The following PTK2 variants were observed in gnomAD, a reference collection of about 807,000 sequenced individuals.
PTK2 encodes focal adhesion kinase 1.
In PTK2, 45 loss-of-function variants were observed where a neutral mutation model predicts 150.1. The observed-to-expected ratio is 0.30, with a 90% CI of 0.24 to 0.38. The LOEUF is 0.38. PTK2 is among the 10% of genes least tolerant of loss of function. The probability of loss-of-function intolerance (pLI) is 1.00; values close to 1 mark genes in which losing one functional copy is unlikely to be tolerated. For synonymous variants in PTK2, 432 were observed against 449.2 expected, an observed-to-expected ratio of 0.96 and a Z score of 0.48; for missense variants, 919 against 1,307.3, an observed-to-expected ratio of 0.70 and a Z score of 4.58.
intron 10 of PTK2, among the ~76,000 whole-genome samples, chr8:140,814,927 A>C (rs888589733): frequency 1.3e-5 from 2 of 152,066 alleles, no homozygotes; most frequent in African/African-American, 4.8e-5. Context: ...GGCGCATGCC[A>C]CCACGCCCAG....
chr8:140,821,792 G>A (rs567601385), intron 8 of PTK2: 1 of 152,234 alleles, frequency 6.6e-6, no homozygotes, highest in Non-Finnish European at 1.5e-5. Flanking sequence ...GAGAATTATA[G>A]CTGTTTTGAA....
chr8:140,787,285 C>G (rs896985010), intron 14 of PTK2, among the ~76,000 whole-genome samples: 2 of 152,218 alleles, frequency 1.3e-5, no homozygotes, highest in South Asian at 2.1e-4. Flanking sequence ...GCTATGTAAC[C>G]TTGGACAAAT....
intron 1 of PTK2, among the ~76,000 whole-genome samples, chr8:140,971,064 G>C (rs931897000): frequency 6.6e-6 from 1 of 152,162 alleles, no homozygotes; most frequent in African/African-American, 2.4e-5. Context: ...TATTCAAGGA[G>C]TCAATGCCAA....
intron 16 of PTK2, among the ~76,000 whole-genome samples, chr8:140,754,865 AAAGT>A (rs1374216277): frequency 2.6e-4 from 40 of 152,348 alleles, no homozygotes; most frequent in African/African-American, 9.1e-4. Context: ...GGGTCAGTTC[AAAGT>A]AAGTAAGACC....
At chr8:140,701,413 C>T (rs192356204) in intron 25 of PTK2, among the ~76,000 whole-genome samples, 1 of 151,766 alleles carries the variant, frequency 6.6e-6, no homozygotes, top group Non-Finnish European at 1.5e-5. Flanking sequence ...ACTATAGATG[C>T]TCTTTCATTC....
At chr8:140,922,849 C>T (rs2100168052) in intron 2 of PTK2, among the ~76,000 whole-genome samples, 1 of 152,168 alleles carries the variant, frequency 6.6e-6, no homozygotes, top group South Asian at 2.1e-4. Flanking sequence ...CTTCACACCA[C>T]AGCACACCAC....
chr8:140,897,122 T>C (rs1019166193), intron 2 of PTK2, among the ~76,000 whole-genome samples: 8 of 152,120 alleles, frequency 5.3e-5, no homozygotes, highest in Non-Finnish European at 4.4e-5. Flanking sequence ...GAAAAAACAC[T>C]ACTTGGAATA....
chr8:140,718,779 A>G (rs1406807796), intron 22 of PTK2: 7 of 152,230 alleles, frequency 4.6e-5, no homozygotes, highest in African/African-American at 7.2e-5. Context: ...AGTCAGGAAA[A>G]GAGACAAAAT....
chr8:140,685,540 CA>C (rs546116623), intron 27 of PTK2, among the ~76,000 whole-genome samples: 95 of 152,176 alleles, frequency 6.2e-4, no homozygotes, highest in African/African-American at 2.2e-3. Flanking sequence ...AGCAAATGAA[CA>C]AGTAAAACCA....
At chr8:140,736,337 T>G (rs554355245) in intron 21 of PTK2, among the ~76,000 whole-genome samples, 27 of 152,128 alleles carry the variant, frequency 1.8e-4, no homozygotes, top group Non-Finnish European at 3.4e-4. Flanking sequence ...CATATGGACA[T>G]GAAGATGGGA....
intron 1 of PTK2, among the ~76,000 whole-genome samples, chr8:140,967,199 A>C (rs1178245439): frequency 6.6e-6 from 1 of 152,216 alleles, no homozygotes; most frequent in South Asian, 2.1e-4. Flanking sequence ...GTTTATCAGC[A>C]CTCAAAATCA....
At chr8:140,764,453 G>T in intron 14 of PTK2, 163 bp from the exon 17 acceptor site, 1 of 601,476 alleles carries the variant, frequency 1.7e-6, no homozygotes, top group South Asian at 2.1e-5. Flanking sequence ...GTCATTTATG[G>T]AAATAAAAGT....
intron 2 of PTK2, among the ~76,000 whole-genome samples, chr8:140,904,169 C>T (rs1005005761): frequency 5.3e-5 from 8 of 152,090 alleles, no homozygotes; most frequent in Admixed American, 1.3e-4. Context: ...TTTTGAGATA[C>T]GTTCCATCAA....
chr8:140,723,794 T>C lies in PTK2; in HGVS notation c.2031-6085A>G, dbSNP rs142260243. On this transcript the variant is annotated intron_variant, in intron 22 of 31. Coordinates refer to ENST00000522684, the Ensembl canonical transcript of PTK2. ...TTAGCACAATGATAATTACACTTTA[T>C]TGATCCACGTGCACCACTGAGGAAC... 8.3e-4 allele frequency among the ~76,000 whole-genome samples: 126 copies of C among 152,356 alleles called. 1 individual carries two copies. The Middle Eastern group carries it at 0.02, about 25-fold the overall frequency.
chr8:140,660,707 C>G (rs1051656278), intron 31 of PTK2: 4 of 439,386 alleles, frequency 9.1e-6, no homozygotes, highest in African/African-American at 8.0e-5. Context: ...GCCTGGGTGA[C>G]AGAGCCAGAC....
At chr8:140,796,293 A>G (rs1344278198) in intron 12 of PTK2, among the ~76,000 whole-genome samples, 1 of 152,172 alleles carries the variant, frequency 6.6e-6, no homozygotes, top group Non-Finnish European at 1.5e-5. Context: ...GCAAGCCATC[A>G]CTTGTTGACA....
At chr8:140,878,833 T>C (rs781387799) in intron 4 of PTK2, among the ~76,000 whole-genome samples, 6 of 145,198 alleles carry the variant, frequency 4.1e-5, no homozygotes, top group Non-Finnish European at 9.0e-5. Context: ...ACATCTTGAG[T>C]TGCTTAGTAG....
chr8:140,965,202 C>G (rs1011167953), intron 1 of PTK2, among the ~76,000 whole-genome samples: 1 of 152,214 alleles, frequency 6.6e-6, no homozygotes, highest in Non-Finnish European at 1.5e-5. Context: ...AGTCTCTCAG[C>G]ACTGTCTCTT....
intron 1 of PTK2, among the ~76,000 whole-genome samples, chr8:140,952,360 G>A (rs2100179808): frequency 6.6e-6 from 1 of 152,148 alleles, no homozygotes; most frequent in Non-Finnish European, 1.5e-5. Flanking sequence ...TTCTCACACT[G>A]TAACAATCAC....
Sources: allele counts gnomAD v4.1 joint callset (sites outside exome capture counted in the v4.1 genomes callset), GRCh38; gene constraint gnomAD v4.1.1; transcripts MANE v1.5; gene names NCBI Gene and HGNC (gene_info 2026-07-23, HGNC 2026-07-21).